FSTL5: variants seen among roughly 807,000 people sequenced by gnomAD.
FSTL5 encodes follistatin-related protein 5.
FSTL5 carries 62 observed loss-of-function variants against 89.1 expected under a neutral mutation model. The observed-to-expected ratio is 0.70, with a 90% CI of 0.57 to 0.86. The LOEUF (loss-of-function observed/expected upper bound fraction) is 0.86. FSTL5 is among the 40% of genes least tolerant of loss of function. FSTL5 has a pLI of 0.00. For synonymous variants in FSTL5, 383 were observed against 346.2 expected (o/e 1.11, Z -1.18); for missense variants, 1,057 against 1,001.6 (o/e 1.06, Z -0.75).
At chr4:161,579,192 T>C (rs534599628) in intron 8 of FSTL5, among the ~76,000 whole-genome samples, 8 of 152,174 alleles carry the variant, frequency 5.3e-5, no homozygotes, top group African/African-American at 9.7e-5. Flanking sequence ...AGGATGAAAA[T>C]GGCAGAGATC....
In FSTL5 at chr4:161,775,967, T is replaced by C. The variant is rs145034808; in HGVS notation, c.517A>G (p.Ile173Val). The change falls in exon 5 of 16, where the codon ATA (isoleucine) becomes GTA (valine). Residue 173 changes from isoleucine to valine, a missense_variant. Coordinates refer to ENST00000306100, the MANE Select transcript of FSTL5 (RefSeq NM_020116.5). ...TCCACCAATAGCTTCTTCCGAGATA[T>C]GTCGTCGCCATTAGGATTTTCATTT... ...QENENPNGDD[I>V]SRKKLLVDQM... 743 of 1,607,292 alleles carry C rather than the reference T, an allele frequency of 4.6e-4. 1 individual carries two copies. Among genetic ancestry groups the C allele is most frequent in the South Asian group, 2.3e-3 (203 of 90,072 alleles).
intron 10 of FSTL5, among the ~76,000 whole-genome samples, chr4:161,531,531 G>T (rs9997233): frequency 6.6e-6 from 1 of 152,034 alleles, no homozygotes; most frequent in Non-Finnish European, 1.5e-5. Context: ...GAAGAAAAGC[G>T]CATTACAGAA....
chr4:161,655,977 T>C (rs932743972), intron 7 of FSTL5, among the ~76,000 whole-genome samples: 1 of 152,288 alleles, frequency 6.6e-6, no homozygotes, highest in Admixed American at 6.5e-5. Flanking sequence ...ACATATGTAC[T>C]TGAACACGCA....
At chr4:161,744,436 T>C (rs1226774828) in intron 6 of FSTL5, among the ~76,000 whole-genome samples, 1 of 152,160 alleles carries the variant, frequency 6.6e-6, no homozygotes, top group East Asian at 1.9e-4. Context: ...GCACCAATAG[T>C]GGTATACATC....
At chr4:161,721,139 G>A (rs1046533082) in intron 6 of FSTL5, among the ~76,000 whole-genome samples, 11 of 151,700 alleles carry the variant, frequency 7.3e-5, no homozygotes, top group Admixed American at 2.6e-4. Flanking sequence ...TTAGCCGGGC[G>A]CGGTGGCGGG....
chr4:161,438,958 A>G (rs1732668663), intron 15 of FSTL5, among the ~76,000 whole-genome samples: 1 of 149,970 alleles, frequency 6.7e-6, no homozygotes, highest in South Asian at 2.1e-4. Flanking sequence ...ATTGATGATT[A>G]TAGTTTTTTT....
intron 12 of FSTL5, among the ~76,000 whole-genome samples, chr4:161,483,721 G>C (rs909845542): frequency 2.6e-5 from 4 of 152,066 alleles, no homozygotes; most frequent in Admixed American, 2.6e-4. Context: ...ATGTTTTTAA[G>C]CATGAATTAG....
intron 2 of FSTL5, among the ~76,000 whole-genome samples, chr4:162,063,518 CTTATA>C (rs1738788180): frequency 6.6e-6 from 1 of 151,670 alleles, no homozygotes; most frequent in South Asian, 2.1e-4. Context: ...TCTTTCAAAT[CTTATA>C]TTGTATAGTG....
intron 2 of FSTL5, among the ~76,000 whole-genome samples, chr4:162,101,628 A>T (rs1163081731): frequency 6.6e-6 from 1 of 152,194 alleles, no homozygotes; most frequent in Admixed American, 6.5e-5. Flanking sequence ...ATTTTATAAA[A>T]CTCAGTTCAT....
At chr4:161,832,428 T>C (rs570101292) in intron 4 of FSTL5, among the ~76,000 whole-genome samples, 49 of 152,242 alleles carry the variant, frequency 3.2e-4, no homozygotes, top group African/African-American at 1.1e-3. Flanking sequence ...TCTTTTTCTA[T>C]TGATTGGAAT....
chr4:161,984,392 A>T (rs1578918286), intron 3 of FSTL5, among the ~76,000 whole-genome samples: 2 of 152,092 alleles, frequency 1.3e-5, no homozygotes, highest in African/African-American at 4.8e-5. Flanking sequence ...TATTCATGTT[A>T]AAAATATACT....
intron 6 of FSTL5, among the ~76,000 whole-genome samples, chr4:161,736,399 G>A (rs778099416): frequency 2.0e-5 from 3 of 151,952 alleles, no homozygotes; most frequent in Non-Finnish European, 2.9e-5. Context: ...CCAAAACAGC[G>A]ATTTAATGAA....
intron 2 of FSTL5, among the ~76,000 whole-genome samples, chr4:162,050,263 A>G (rs1738335872): frequency 6.6e-6 from 1 of 151,594 alleles, no homozygotes; most frequent in East Asian, 1.9e-4. Context: ...CTAATTACAA[A>G]TATATTCTGG....
chr4:161,828,514 C>A (rs2126858388), intron 4 of FSTL5, among the ~76,000 whole-genome samples: 1 of 152,208 alleles, frequency 6.6e-6, no homozygotes, highest in South Asian at 2.1e-4. Context: ...CTGATAAGTT[C>A]TTTGGGATCA....
In FSTL5 at chr4:161,690,678, G is replaced by C. The variant is rs118026953; in HGVS notation, c.728-34184C>G. ...TTTATAACTTTTATTTTAAGTTCAG[G>C]GGTACAAGTGCAGGTTTGTTACATA... On this transcript the variant is annotated intron_variant, in intron 6 of 15. Coordinates refer to ENST00000306100, the MANE Select transcript of FSTL5 (RefSeq NM_020116.5). Among the ~76,000 whole-genome samples the C allele has an allele frequency of 1.3e-4, 20 of 152,086 alleles. No individual in the cohort carries two copies. In the East Asian group the frequency reaches 3.9e-3, roughly 29 times the overall value.
At chr4:162,149,180 T>C (rs1228041704) in intron 1 of FSTL5, among the ~76,000 whole-genome samples, 3 of 152,052 alleles carry the variant, frequency 2.0e-5, no homozygotes, top group African/African-American at 7.2e-5. Context: ...GTTGAGTAAT[T>C]GAAATGAAAC....
chr4:161,809,655 T>C (rs1237289957), intron 4 of FSTL5, among the ~76,000 whole-genome samples: 1 of 152,190 alleles, frequency 6.6e-6, no homozygotes, highest in African/African-American at 2.4e-5. Context: ...CAGCCTTAGA[T>C]AGAAGAACAT....
chr4:161,781,957 T>G (rs867093228), intron 4 of FSTL5, among the ~76,000 whole-genome samples: 10 of 152,204 alleles, frequency 6.6e-5, no homozygotes, highest in Non-Finnish European at 1.2e-4. Flanking sequence ...TTCCACAGTT[T>G]TATCTTTTCT....
intron 4 of FSTL5, among the ~76,000 whole-genome samples, chr4:161,900,601 T>C (rs1369507667): frequency 2.4e-5 from 3 of 123,416 alleles, no homozygotes; most frequent in African/African-American, 3.2e-5. Context: ...ATTGAGCCAC[T>C]GCACTCCAGC....
Sources: gnomAD v4.1 joint callset for allele counts (sites outside exome capture counted in the v4.1 genomes callset) on GRCh38, gnomAD v4.1.1 for gene constraint, MANE v1.5 for transcripts, NCBI Gene and HGNC (gene_info 2026-07-23, HGNC 2026-07-21) for gene names.